TPTE2: variants seen among roughly 807,000 people sequenced by gnomAD.
The protein encoded by TPTE2 is phosphatidylinositol 3,4,5-trisphosphate 3-phosphatase TPTE2.
A neutral mutation model predicts 78.6 loss-of-function variants in TPTE2; 53 were observed. The observed-to-expected ratio is 0.67, with a 90% CI of 0.54 to 0.85. The LOEUF is 0.85. Among genes scored for constraint, TPTE2 ranks in the 40% least tolerant of loss-of-function variants. The pLI is 0.00. For synonymous variants in TPTE2, 175 were observed against 206.2 expected, an observed-to-expected ratio of 0.85 and a Z score of 1.30; for missense variants, 461 against 623.0, an observed-to-expected ratio of 0.74 and a Z score of 2.77.
At chr13:19,451,251 C>T (rs1878164209) in intron 10 of TPTE2, 26 bp from the exon 14 acceptor site, 1 of 1,612,826 alleles carries the variant, frequency 6.2e-7, no homozygotes, top group Non-Finnish European at 8.5e-7. Flanking sequence ...ACATATCTTA[C>T]ATATTTACAT....
chr13:19,442,747 A>C (rs1048352389), intron 13 of TPTE2, among the ~76,000 whole-genome samples: 1 of 152,154 alleles, frequency 6.6e-6, no homozygotes, highest in African/African-American at 2.4e-5. Context: ...TGCAGACACT[A>C]AAATGGTAAA....
chr13:19,555,225 C>G, the TPTE2 span, among the ~76,000 whole-genome samples: 9 of 152,090 alleles, frequency 5.9e-5, no homozygotes, highest in Non-Finnish European at 1.3e-4. Context: ...GAATCCAGTT[C>G]TACACAACAC....
At chr13:19,483,307 CTTT>C (rs1880467750) in intron 3 of TPTE2, among the ~76,000 whole-genome samples, 1 of 152,148 alleles carries the variant, frequency 6.6e-6, no homozygotes, top group Non-Finnish European at 1.5e-5. Flanking sequence ...TGTTGAAAGC[CTTT>C]TTATTACTGA....
At chr13:19,485,971 T>C (rs1335627828) in intron 3 of TPTE2, among the ~76,000 whole-genome samples, 3 of 152,184 alleles carry the variant, frequency 2.0e-5, no homozygotes, top group African/African-American at 7.2e-5. Context: ...TATATCTCAC[T>C]GAGTTTCCTT....
Position 19,492,849 on chromosome 13 carries a change from C to T in TPTE2, c.119+1G>A, listed in dbSNP as rs150812023. Reference sequence around the variant, plus strand: ...TGTGTCTTCATGTATTTATAACTCACCTTTTACTGATAGGTGACACCAGGG... The same window carrying T: ...TGTGTCTTCATGTATTTATAACTCATCTTTTACTGATAGGTGACACCAGGG... On this transcript the variant is annotated splice_donor_variant, in intron 3 of 19. Transcript: ENST00000400230. LOFTEE classifies it high-confidence loss of function. The T allele has an allele frequency of 1.8e-3, 2,826 of 1,613,856 alleles. 3 individuals carry two copies. Among genetic ancestry groups the T allele is most frequent in the Non-Finnish European group, 2.2e-3 (2,591 of 1,179,776 alleles).
intron 13 of TPTE2, 114 bp downstream of exon 16, chr13:19,449,962 A>T (rs908293074): frequency 9.3e-6 from 10 of 1,071,964 alleles, no homozygotes; most frequent in African/African-American, 3.2e-5. Context: ...GCTAATATTT[A>T]AAAATGCTAA....
At chr13:19,425,201 ATTGCATTCTC>A (rs1875938155) in intron 18 of TPTE2, among the ~76,000 whole-genome samples, 184 bp from the exon 22 acceptor site, 1 of 152,178 alleles carries the variant, frequency 6.6e-6, no homozygotes, top group African/African-American at 2.4e-5. Flanking sequence ...AGAAAATGCT[ATTGCATTCTC>A]TTGCTGTTTC....
At chr13:19,447,699 T>G (rs115256741) in intron 13 of TPTE2, among the ~76,000 whole-genome samples, 1 of 152,278 alleles carries the variant, frequency 6.6e-6, no homozygotes, top group African/African-American at 2.4e-5. Context: ...TAGAGCCCAC[T>G]AAAAATGTAA....
intron 4 of TPTE2, among the ~76,000 whole-genome samples, chr13:19,480,784 C>G (rs182899450): frequency 1.3e-5 from 2 of 152,206 alleles, no homozygotes; most frequent in South Asian, 2.1e-4. Context: ...GATGTTAAAG[C>G]ACATATCAAT....
chr13:19,479,734 T>C (rs1344122389), intron 4 of TPTE2, among the ~76,000 whole-genome samples: 1 of 151,902 alleles, frequency 6.6e-6, no homozygotes, highest in East Asian at 1.9e-4. Context: ...GTGGCCAAGG[T>C]GGGCGGATCA....
chr13:19,493,236 C>T (rs79131640), intron 2 of TPTE2, among the ~76,000 whole-genome samples: 1 of 151,664 alleles, frequency 6.6e-6, no homozygotes, highest in South Asian at 2.1e-4. Context: ...ATTTCACAAA[C>T]CTCCATCAGT....
At chr13:19,547,714 AATATACAT>A in the TPTE2 span, among the ~76,000 whole-genome samples, 3 of 108,558 alleles carry the variant, frequency 2.8e-5, no homozygotes, top group Non-Finnish European at 5.2e-5. Flanking sequence ...CTAAGTAATA[AATATACAT>A]ATATATATAT....
exon 1 of TPTE2, chr13:19,503,275 G>A (rs1868744333): frequency 6.2e-7 from 1 of 1,613,364 alleles, no homozygotes; most frequent in African/African-American, 1.3e-5. Flanking sequence ...ATTTGTGGGT[G>A]GACTAGAGGA....
intron 13 of TPTE2, among the ~76,000 whole-genome samples, chr13:19,439,208 C>T (rs1184139109): frequency 3.3e-5 from 5 of 152,094 alleles, no homozygotes; most frequent in Non-Finnish European, 5.9e-5. Flanking sequence ...GCAGAGAGCT[C>T]CTCCCAATAA....
Position 19,489,899 on chromosome 13 carries a change from C to T in TPTE2, c.119+2951G>A, listed in dbSNP as rs938803240. On this transcript the variant is annotated intron_variant, in intron 3 of 19. Transcript: ENST00000400230. ...GAAAGACTACTGATGTCATTTTATC[C>T]GGGCCAGTGCTAAGGATTAAAAATG... 9.2e-5 allele frequency among the ~76,000 whole-genome samples: 14 copies of T among 151,842 alleles called. No homozygotes were observed. In the East Asian group the frequency reaches 9.7e-4, roughly 10 times the overall value.
the TPTE2 span, among the ~76,000 whole-genome samples, chr13:19,548,854 T>C: frequency 0.64 from 94,570 of 147,168 alleles, 32,263 homozygotes; most frequent in East Asian, 0.88. Flanking sequence ...TGCGGTGACT[T>C]ACTCCTGTAA....
chr13:19,477,308 A>C (rs1361560573), intron 4 of TPTE2, among the ~76,000 whole-genome samples: 1 of 151,310 alleles, frequency 6.6e-6, no homozygotes, highest in African/African-American at 2.4e-5. Context: ...AAAAAAAAAA[A>C]CCTCCCTGAC....
chr13:19,519,139 A>G (rs1215163836), intron 1 of TPTE2, among the ~76,000 whole-genome samples: 2 of 152,134 alleles, frequency 1.3e-5, no homozygotes, highest in African/African-American at 4.8e-5. Context: ...CCATTTCAAA[A>G]TATACCCTAA....
chr13:19,538,728 G>C (rs1283671219), upstream of TPTE2, among the ~76,000 whole-genome samples: 1 of 151,796 alleles, frequency 6.6e-6, no homozygotes, highest in South Asian at 2.1e-4. Context: ...TGTTGGCTAA[G>C]CTGGTCTTGA....
Sources: gnomAD v4.1 joint callset for allele counts (sites outside exome capture counted in the v4.1 genomes callset) on GRCh38, gnomAD v4.1.1 for gene constraint, MANE v1.5 for transcripts, NCBI Gene and HGNC (gene_info 2026-07-23, HGNC 2026-07-21) for gene names.